ABCC4: variants seen among roughly 807,000 people sequenced by gnomAD.
ABCC4 encodes the protein ATP binding cassette subfamily C member 4 (PEL blood group).
Under a neutral mutation model 168.5 loss-of-function variants are expected in ABCC4, and 102 were observed. The observed-to-expected ratio is 0.61, with a 90% CI of 0.52 to 0.71. ABCC4 has a LOEUF of 0.71. Among genes scored for constraint, ABCC4 ranks in the 30% least tolerant of loss-of-function variants. The pLI, the probability that ABCC4 is intolerant of heterozygous loss-of-function variation, is 0.00. For synonymous variants in ABCC4, 617 were observed against 590.7 expected (o/e 1.04, Z -0.65); for missense variants, 1,402 against 1,605.8 (o/e 0.87, Z 2.17).
rs140809557 is a variant in ABCC4, at chr13:95,131,787, C to T, written c.2456-15786G>A. Among the ~76,000 whole-genome samples, 85 of 152,082 alleles carry T rather than the reference C, an allele frequency of 5.6e-4. No homozygotes were observed. In the East Asian group the frequency reaches 0.014, roughly 26 times the overall value. On this transcript the variant is annotated intron_variant, in intron 19 of 30. Coordinates refer to ENST00000645237, the MANE Select transcript of ABCC4 (RefSeq NM_005845.5). ...CAGGAGCATGGCTACTATCATAAAA[C>T]CAGAAAATACCAAGTGTTGGCAGGG...
intron 27 of ABCC4, among the ~76,000 whole-genome samples, chr13:95,046,720 G>A (rs773276107): frequency 2.6e-5 from 4 of 151,880 alleles, no homozygotes; most frequent in Non-Finnish European, 4.4e-5. Context: ...CCAAGATCGC[G>A]CCACTGCACT....
At chr13:95,263,387 G>A (rs2040584867) in intron 1 of ABCC4, among the ~76,000 whole-genome samples, 1 of 152,034 alleles carries the variant, frequency 6.6e-6, no homozygotes, top group African/African-American at 2.4e-5. Flanking sequence ...CTAGTAACAA[G>A]AACCAACTGT....
At position 95,218,669 on chromosome 13, in the gene ABCC4, T is replaced by C. The variant is rs561326199; in HGVS notation, c.532-7888A>G. On this transcript the variant is annotated intron_variant, in intron 4 of 30. Coordinates refer to ENST00000645237, the MANE Select transcript of ABCC4 (RefSeq NM_005845.5). ...GAGTTCAAGACTAGACTGGGCAACG[T>C]AGTGAGATCCTGTCTACAAAAAAAT... Among the ~76,000 whole-genome samples, 7 of 151,420 alleles carry C rather than the reference T, an allele frequency of 4.6e-5. No homozygotes were observed. In the East Asian group the frequency reaches 7.8e-4, roughly 17 times the overall value.
chr13:95,286,006 A>G (rs2041247180), intron 1 of ABCC4, among the ~76,000 whole-genome samples: 1 of 152,138 alleles, frequency 6.6e-6, no homozygotes, highest in Non-Finnish European at 1.5e-5. Flanking sequence ...TGAGGACGCA[A>G]GCCTTAGTTA....
intron 20 of ABCC4, among the ~76,000 whole-genome samples, chr13:95,097,592 C>CTTTTT (rs56169430): frequency 7.1e-4 from 58 of 82,088 alleles, no homozygotes; most frequent in African/African-American, 1.2e-3. Context: ...AATATACATT[C>CTTTTT]TTTTTTTTTT....
intron 9 of ABCC4, among the ~76,000 whole-genome samples, chr13:95,193,243 T>C (rs2038313513): frequency 6.6e-6 from 1 of 152,224 alleles, no homozygotes; most frequent in South Asian, 2.1e-4. Flanking sequence ...TATTGGCTCT[T>C]GGCTCCAGCA....
At chr13:95,133,108 CTTTTTTTTTTTT>C (rs761691210) in intron 19 of ABCC4, among the ~76,000 whole-genome samples, 1 of 110,668 alleles carries the variant, frequency 9.0e-6, no homozygotes, top group Non-Finnish European at 1.8e-5. Context: ...GATTTTAAAA[CTTTTTTTTTTTT>C]TTTTTTTTTT....
At chr13:95,220,022 ATT>A (rs60994275) in intron 4 of ABCC4, among the ~76,000 whole-genome samples, 79,203 of 144,788 alleles carry the variant, frequency 0.55, 21,465 homozygotes, top group Non-Finnish European at 0.58. Flanking sequence ...TGCCTGGCTA[ATT>A]TTTTTTTTTT....
At chr13:95,248,233 C>G (rs143328466) in intron 1 of ABCC4, among the ~76,000 whole-genome samples, 1 of 152,158 alleles carries the variant, frequency 6.6e-6, no homozygotes, top group African/African-American at 2.4e-5. Context: ...TAAATCATGA[C>G]AGCAATGAAT....
chr13:95,244,664 A>AGAAAGAAAGAAAGAAAGAAAGAAG (rs2040058406), intron 3 of ABCC4, among the ~76,000 whole-genome samples: 1 of 19,964 alleles, frequency 5.0e-5, no homozygotes, highest in African/African-American at 2.4e-4. Flanking sequence ...AAAGAAAGAA[A>AGAAAGAAAGAAAGAAAGAAAGAAG]GAAAGAAATC....
intron 4 of ABCC4, among the ~76,000 whole-genome samples, chr13:95,224,110 A>C (rs1288304924): frequency 2.0e-5 from 3 of 152,010 alleles, no homozygotes; most frequent in Non-Finnish European, 4.4e-5. Context: ...GAAGCTCAGC[A>C]AACTCCGAGA....
intron 29 of ABCC4, 55 bp downstream of exon 29, chr13:95,043,627 C>G: frequency 6.9e-7 from 1 of 1,443,430 alleles, no homozygotes; most frequent in Non-Finnish European, 9.6e-7. Context: ...AAGGAATAAA[C>G]TGAAAAAGTG....
In ABCC4 at chr13:95,220,290, T is replaced by C. The variant is rs559579800; in HGVS notation, c.532-9509A>G. Among the ~76,000 whole-genome samples, 162 of 152,198 alleles carry C rather than the reference T, an allele frequency of 1.1e-3. 1 individual carries two copies. Among genetic ancestry groups the C allele is most frequent in the Non-Finnish European group, 2.0e-3 (135 of 68,024 alleles). ...CTAAGAATACTTGGAGGAAGCAATC[T>C]TCACTCTACAGACTCACCAAAATTT... On this transcript the variant is annotated intron_variant, in intron 4 of 30. Transcript: ENST00000645237.
At chr13:95,159,134 A>ATATATATAT (rs2036998473) in intron 19 of ABCC4, among the ~76,000 whole-genome samples, 5 of 46,394 alleles carry the variant, frequency 1.1e-4, no homozygotes, top group South Asian at 8.2e-4. Context: ...TATATATATA[A>ATATATATAT]CTATTGAAGT....
chr13:95,107,983 C>T (rs2035067196), intron 20 of ABCC4, among the ~76,000 whole-genome samples: 1 of 152,098 alleles, frequency 6.6e-6, no homozygotes, highest in Non-Finnish European at 1.5e-5. Context: ...CCTCTCTCTC[C>T]TGAGCTTCCA....
chr13:95,040,767 GTTTGT>G (rs1252079241), intron 29 of ABCC4, among the ~76,000 whole-genome samples: 2 of 151,740 alleles, frequency 1.3e-5, no homozygotes, highest in African/African-American at 2.4e-5. Context: ...ACGATTTCTA[GTTTGT>G]TTTCTCTGAG....
intron 19 of ABCC4, among the ~76,000 whole-genome samples, chr13:95,146,886 C>A (rs1159489011): frequency 2.0e-5 from 3 of 152,196 alleles, no homozygotes; most frequent in Admixed American, 2.0e-4. Flanking sequence ...AACTAGAATG[C>A]AACTGCCAGA....
At chr13:95,125,468 A>G (rs2035725630) in intron 19 of ABCC4, among the ~76,000 whole-genome samples, 2 of 152,214 alleles carry the variant, frequency 1.3e-5, no homozygotes, top group African/African-American at 2.4e-5. Context: ...AACATTTAAA[A>G]TAACTCCACC....
intron 18 of ABCC4, among the ~76,000 whole-genome samples, 193 bp from the exon 19 acceptor site, chr13:95,161,528 C>T (rs1374005649): frequency 6.6e-6 from 1 of 152,120 alleles, no homozygotes; most frequent in Non-Finnish European, 1.5e-5. Flanking sequence ...TTTTCTCTCA[C>T]TGAATGGAAA....
Sources: gnomAD v4.1 joint callset for allele counts (sites outside exome capture counted in the v4.1 genomes callset) on GRCh38, gnomAD v4.1.1 for gene constraint, MANE v1.5 for transcripts, NCBI Gene and HGNC (gene_info 2026-07-23, HGNC 2026-07-21) for gene names.